Variants in PTPRE observed in about 807,000 individuals in gnomAD.
PTPRE encodes protein tyrosine phosphatase receptor type E.
A neutral mutation model predicts 102.0 loss-of-function variants in PTPRE; 51 were observed. That is an observed-to-expected ratio of 0.50 (90% CI 0.40 to 0.63). The LOEUF is 0.63. PTPRE is among the 30% of genes least tolerant of loss of function. PTPRE has a pLI of 0.00. For synonymous variants in PTPRE, 345 were observed against 348.2 expected (o/e 0.99, Z 0.10); for missense variants, 752 against 915.1 (o/e 0.82, Z 2.30).
chr10:128,042,206 C>A (rs934766369), intron 3 of PTPRE, among the ~76,000 whole-genome samples: 2 of 152,178 alleles, frequency 1.3e-5, no homozygotes, highest in African/African-American at 4.8e-5. Flanking sequence ...GTAGAAACAT[C>A]TGACAAACTG....
intron 2 of PTPRE, among the ~76,000 whole-genome samples, chr10:128,030,654 C>T (rs1453171451): frequency 6.6e-6 from 1 of 152,086 alleles, no homozygotes; most frequent in Non-Finnish European, 1.5e-5. Context: ...GAGTTGGCCT[C>T]TGCTTTGAGC....
intron 2 of PTPRE, among the ~76,000 whole-genome samples, chr10:128,017,128 C>T (rs780042044): frequency 2.0e-4 from 31 of 152,062 alleles, no homozygotes; most frequent in Admixed American, 3.3e-4. Context: ...CAGTGAGCAG[C>T]GTGGGCCAGG....
At chr10:127,979,713 A>G (rs1851459149) in intron 1 of PTPRE, among the ~76,000 whole-genome samples, 2 of 152,126 alleles carry the variant, frequency 1.3e-5, no homozygotes. Context: ...ATTTCAAGTT[A>G]TGATTTGTGT....
At chr10:127,987,274 G>A (rs996698941) in intron 2 of PTPRE, 60 of 1,156,072 alleles carry the variant, frequency 5.2e-5, no homozygotes, top group South Asian at 7.7e-5. Flanking sequence ...TCTCGTCACC[G>A]TGTTCACAGC....
rs192383054 is a variant in PTPRE, at chr10:128,003,235, G to A, written c.-8+20939G>A. ...CTTATAAACCACTCAGCACACGCCT[G>A]CACGTGAGTGGGCCCCATAGAGTGT... On this transcript the variant is annotated intron_variant, in intron 2 of 20. Coordinates refer to ENST00000254667, the MANE Select transcript of PTPRE (RefSeq NM_006504.6). Among the ~76,000 whole-genome samples, 11 of 152,294 alleles carry A rather than the reference G, an allele frequency of 7.2e-5. No homozygotes were observed. The South Asian group carries it at 8.3e-4, about 11-fold the overall frequency.
chr10:128,034,229 G>A (rs1042578673), intron 2 of PTPRE, among the ~76,000 whole-genome samples: 1 of 151,972 alleles, frequency 6.6e-6, no homozygotes, highest in African/African-American at 2.4e-5. Context: ...TGCAAACAAG[G>A]CCCTAAGTGT....
At chr10:128,049,437 A>T in intron 5 of PTPRE, 93 bp from the exon 6 acceptor site, 3 of 1,480,260 alleles carry the variant, frequency 2.0e-6, no homozygotes, top group Non-Finnish European at 2.8e-6. Context: ...CAGCCTGGTC[A>T]TTTCTTCAGG....
At chr10:127,929,256 T>TC (rs1340277597) in intron 1 of PTPRE, 8 of 152,322 alleles carry the variant, frequency 5.3e-5, no homozygotes, top group Non-Finnish European at 5.9e-5. Context: ...GTTAATGTCT[T>TC]CCATGATGTA....
At chr10:127,923,958 T>G (rs1302177163) in intron 1 of PTPRE, among the ~76,000 whole-genome samples, 2 of 152,154 alleles carry the variant, frequency 1.3e-5, no homozygotes, top group African/African-American at 2.4e-5. Context: ...CACAGAAGGC[T>G]TAAGCTGGAA....
At chr10:127,976,126 C>T (rs1213153193) in intron 1 of PTPRE, among the ~76,000 whole-genome samples, 2 of 152,134 alleles carry the variant, frequency 1.3e-5, no homozygotes, top group Admixed American at 1.3e-4. Context: ...CAAGAAGCTA[C>T]TCATAGGGCA....
intron 1 of PTPRE, among the ~76,000 whole-genome samples, chr10:127,912,894 C>G (rs143227709): frequency 6.6e-6 from 1 of 152,212 alleles, no homozygotes; most frequent in African/African-American, 2.4e-5. Context: ...GGCCAAGTGG[C>G]GGAGGCCTTC....
intron 2 of PTPRE, among the ~76,000 whole-genome samples, chr10:128,022,280 A>C (rs893977882): frequency 6.6e-6 from 1 of 152,188 alleles, no homozygotes; most frequent in African/African-American, 2.4e-5. Flanking sequence ...CCACTCAGAC[A>C]GGACCTGAGA....
chr10:128,031,081 A>T (rs1027710060), intron 2 of PTPRE, among the ~76,000 whole-genome samples: 2 of 152,370 alleles, frequency 1.3e-5, no homozygotes, highest in African/African-American at 4.8e-5. Flanking sequence ...ACATCCTGGC[A>T]GTCAACTCTT....
Position 128,082,995 on chromosome 10 carries a change from C to T in PTPRE, c.*89C>T. The T allele has an allele frequency of 7.9e-7, 1 of 1,261,272 alleles. No individual in the cohort carries two copies. The highest frequency in any genetic ancestry group is 1.0e-6 in the Non-Finnish European group (1 of 954,978). The allele number at this position is 1,261,272 out of a possible 1,614,324, so 78.1% of individuals were successfully genotyped here. A position where few individuals can be genotyped will look rare whatever the true frequency, so the allele number is the denominator to read the frequency against. ...TTTATTTCATAGTTGACATTAATAT[C>T]TTCCCTAATTTCTTTGTATATATTT... On this transcript the variant is annotated 3_prime_UTR_variant, in exon 21 of 21. Coordinates refer to ENST00000254667, the MANE Select transcript of PTPRE (RefSeq NM_006504.6).
chr10:128,028,593 G>A lies in PTPRE; in HGVS notation c.-7-12282G>A, dbSNP rs376326783. 1.1e-4 allele frequency among the ~76,000 whole-genome samples: 16 copies of A among 152,200 alleles called. No individual in the cohort carries two copies. The highest frequency in any genetic ancestry group is 3.6e-4 in the African/African-American group (15 of 41,548). On this transcript the variant is annotated intron_variant, in intron 2 of 20. Transcript: ENST00000254667. This position sits in a 1 kb window ranked among gnomAD's most constrained non-coding sequence, Gnocchi z 4.5. ...TCGCTGCAGGAGGCTGGCCCTCAGC[G>A]CCCAGCAGAAGCGGCAGCCCCATCT...
intron 1 of PTPRE, among the ~76,000 whole-genome samples, chr10:127,977,800 C>T (rs1241352223): frequency 6.6e-6 from 1 of 152,200 alleles, no homozygotes. Flanking sequence ...CCTGCCCCTG[C>T]CCCCCTTCCT....
chr10:128,047,602 C>T, intron 4 of PTPRE, 113 bp downstream of exon 4: 4 of 1,613,178 alleles, frequency 2.5e-6, no homozygotes, highest in Non-Finnish European at 3.4e-6. Context: ...GGCTGGGTGG[C>T]TGGGCCTGGG....
At chr10:128,061,073 C>T in intron 8 of PTPRE, 58 bp downstream of exon 8, 2 of 1,529,742 alleles carry the variant, frequency 1.3e-6, no homozygotes, top group Non-Finnish European at 1.8e-6. Flanking sequence ...GCAGTAAGCA[C>T]TTTCTTGTCT....
chr10:127,924,701 T>G (rs781780076), intron 1 of PTPRE, among the ~76,000 whole-genome samples: 29 of 152,208 alleles, frequency 1.9e-4, no homozygotes, highest in Admixed American at 4.6e-4. Context: ...ATAACCCAGT[T>G]TAATGTTCAA....
Sources: gnomAD v4.1 joint callset for allele counts (sites outside exome capture counted in the v4.1 genomes callset) on GRCh38, gnomAD v4.1.1 for gene constraint, Gnocchi (gnomAD v3.1) non-coding constraint, MANE v1.5 for transcripts, NCBI Gene and HGNC (gene_info 2026-07-23, HGNC 2026-07-21) for gene names.